Variants in SLC22A3 observed in about 807,000 individuals in gnomAD.
SLC22A3 encodes the protein solute carrier family 22 member 3, also known as EMT organic cation transporter 3.
Under a neutral mutation model 59.1 loss-of-function variants are expected in SLC22A3, and 51 were observed. That is an observed-to-expected ratio of 0.86 (90% CI 0.69 to 1.09). SLC22A3 has a LOEUF of 1.09. SLC22A3 is among the 50% of genes least tolerant of loss of function. The pLI is 0.00. For missense variants in SLC22A3, 711 were observed against 726.3 expected (o/e 0.98, Z 0.24); for synonymous variants, 325 against 292.0 (o/e 1.11, Z -1.15).
Position 160,348,525 on chromosome 6 carries a change from T to C in SLC22A3, c.106T>C (p.Phe36Leu). ...CLTGVTFAFL[F>L]VGVVFLGTQP... is the part of the protein sequence containing the mutation. ...GACGGGCGTCACCTTCGCCTTCCTC[T>C]TCGTCGGCGTGGTCTTCCTGGGCAC... Residue 36 changes from phenylalanine (F) to leucine (L), a missense_variant, in exon 1 of 11, where the codon TTC becomes CTC. Transcript: ENST00000275300. 2 of 1,565,094 alleles carry C rather than the reference T, an allele frequency of 1.3e-6. No individual in the cohort carries two copies. Among genetic ancestry groups the C allele is most frequent in the Non-Finnish European group, 8.6e-7 (1 of 1,163,702 alleles).
At chr6:160,445,955 T>C (rs1788725659) in intron 9 of SLC22A3, among the ~76,000 whole-genome samples, 1 of 152,194 alleles carries the variant, frequency 6.6e-6, no homozygotes, top group Admixed American at 6.5e-5. Flanking sequence ...GGAAGCCACC[T>C]GGCAGTAGAG....
intron 1 of SLC22A3, among the ~76,000 whole-genome samples, chr6:160,373,775 G>C (rs1785488047): frequency 6.6e-6 from 1 of 152,162 alleles, no homozygotes; most frequent in Admixed American, 6.5e-5. Context: ...GCTCTGTCCA[G>C]TTCAAACTTC....
At chr6:160,356,270 C>T (rs1193851640) in intron 1 of SLC22A3, among the ~76,000 whole-genome samples, 1 of 152,182 alleles carries the variant, frequency 6.6e-6, no homozygotes, top group South Asian at 2.1e-4. Context: ...CGGCCATGGC[C>T]GCCCGCAGAC....
intron 1 of SLC22A3, among the ~76,000 whole-genome samples, chr6:160,382,942 G>A (rs1409267606): frequency 1.3e-5 from 2 of 152,124 alleles, no homozygotes; most frequent in Non-Finnish European, 2.9e-5. Context: ...TATTGGAGAT[G>A]GCAGAAGCAA....
chr6:160,384,641 TC>T (rs1785928504), intron 1 of SLC22A3, among the ~76,000 whole-genome samples: 1 of 152,032 alleles, frequency 6.6e-6, no homozygotes, highest in Admixed American at 6.5e-5. Flanking sequence ...GATCTCCGGT[TC>T]CTCCAGGCAG....
At chr6:160,445,997 C>T (rs1788728432) in intron 9 of SLC22A3, among the ~76,000 whole-genome samples, 1 of 152,128 alleles carries the variant, frequency 6.6e-6, no homozygotes, top group Non-Finnish European at 1.5e-5. Context: ...GGCCCAAGCC[C>T]CCCAGAAAAT....
chr6:160,420,683 T>A (rs552654689), intron 5 of SLC22A3, among the ~76,000 whole-genome samples: 4 of 152,214 alleles, frequency 2.6e-5, no homozygotes, highest in African/African-American at 7.2e-5. Context: ...ACCAAAAAAA[T>A]GTCTCAGGCA....
At chr6:160,386,993 C>T (rs1233641238) in intron 1 of SLC22A3, among the ~76,000 whole-genome samples, 2 of 152,184 alleles carry the variant, frequency 1.3e-5, no homozygotes, top group East Asian at 3.9e-4. Context: ...AGGAGGAGTC[C>T]TCCTCCAGCA....
rs117604557 is a variant in SLC22A3, at chr6:160,430,879, G to A, written c.976-5901G>A. Among the ~76,000 whole-genome samples, 863 of 152,222 alleles carry A rather than the reference G, an allele frequency of 5.7e-3. 3 individuals carry two copies. Among genetic ancestry groups the A allele is most frequent in the Non-Finnish European group, 8.5e-3 (580 of 68,010 alleles). ...TTGATTCTGTTTCTATGAAATTCTA[G>A]AAAAAGCAAAACTGTCATGACAGAA... On this transcript the variant is annotated intron_variant, in intron 5 of 10. Coordinates refer to ENST00000275300, the MANE Select transcript of SLC22A3 (RefSeq NM_021977.4).
At chr6:160,392,938 G>A (rs1364546210) in intron 1 of SLC22A3, among the ~76,000 whole-genome samples, 2 of 151,444 alleles carry the variant, frequency 1.3e-5, no homozygotes, top group Admixed American at 1.3e-4. Context: ...AGAGTTTAGT[G>A]ACTCCTGATT....
chr6:160,435,777 T>C (rs557970373), intron 5 of SLC22A3, among the ~76,000 whole-genome samples: 8 of 152,082 alleles, frequency 5.3e-5, no homozygotes, highest in Non-Finnish European at 8.8e-5. Flanking sequence ...TTTTGTTTAA[T>C]AGGAGGAGAG....
chr6:160,348,731 C>T lies in SLC22A3; in HGVS notation c.312C>T (p.Ala104=). The T allele has an allele frequency of 6.5e-7, 1 of 1,530,598 alleles. No homozygotes were observed. Among genetic ancestry groups the T allele is most frequent in the South Asian group, 1.2e-5 (1 of 83,592 alleles). 94.8% of individuals were successfully genotyped at this position (1,530,598 alleles called of 1,614,324 possible). ...LLEAANDSAS[A]TSALSCADPL... ...AGGCGGCCAACGACAGCGCCTCCGC[C>T]ACTAGCGCTCTCAGCTGCGCGGACC... The change falls in exon 1 of 11, where the codon GCC becomes GCT. Residue 104 remains alanine, a synonymous_variant. Coordinates refer to ENST00000275300, the MANE Select transcript of SLC22A3 (RefSeq NM_021977.4).
At chr6:160,379,335 T>G (rs149880973) in intron 1 of SLC22A3, among the ~76,000 whole-genome samples, 1 of 152,330 alleles carries the variant, frequency 6.6e-6, no homozygotes, top group African/African-American at 2.4e-5. Context: ...GGTCTTAGAA[T>G]GCACAAAGCT....
intron 9 of SLC22A3, among the ~76,000 whole-genome samples, chr6:160,445,213 C>A (rs183011421): frequency 1.9e-4 from 29 of 152,300 alleles, no homozygotes; most frequent in South Asian, 2.1e-4. Context: ...TGGAAGGGAG[C>A]AGGCCAGGGA....
At chr6:160,373,662 GC>G (rs1785481746) in intron 1 of SLC22A3, among the ~76,000 whole-genome samples, 1 of 152,172 alleles carries the variant, frequency 6.6e-6, no homozygotes, top group South Asian at 2.1e-4. Flanking sequence ...TTATCTATAA[GC>G]CCCTGACTGG....
rs567900718 is a variant in SLC22A3, at chr6:160,419,928, A to G, written c.975+9082A>G. Among the ~76,000 whole-genome samples, 7 of 152,350 alleles carry G rather than the reference A, an allele frequency of 4.6e-5. No homozygotes were observed. The South Asian group carries it at 1.4e-3, about 32-fold the overall frequency. On this transcript the variant is annotated intron_variant, in intron 5 of 10. Transcript: ENST00000275300. The stretch of plus-strand genomic sequence containing the variant: ...AGTTCTAGAAATGGTGTGTATTTAA[A>G]TGGATTTGTTTACTTTCCATGTCTT...
At chr6:160,429,750 A>G (rs1788084107) in intron 5 of SLC22A3, among the ~76,000 whole-genome samples, 3 of 152,190 alleles carry the variant, frequency 2.0e-5, no homozygotes, top group Admixed American at 6.5e-5. Flanking sequence ...TTCATGAAAA[A>G]GTATCCTGCC....
intron 5 of SLC22A3, among the ~76,000 whole-genome samples, chr6:160,433,182 C>T (rs935568470): frequency 2.3e-4 from 35 of 152,180 alleles, no homozygotes; most frequent in Admixed American, 3.9e-4. Flanking sequence ...AGAAAACGTT[C>T]GCCAACCTCT....
chr6:160,418,293 G>A (rs1787588690), intron 5 of SLC22A3, among the ~76,000 whole-genome samples: 1 of 152,176 alleles, frequency 6.6e-6, no homozygotes, highest in African/African-American at 2.4e-5. Context: ...CCTGCCCCTG[G>A]ACATCAGACT....
Sources: gnomAD v4.1 joint callset for allele counts (sites outside exome capture counted in the v4.1 genomes callset) on GRCh38, gnomAD v4.1.1 for gene constraint, MANE v1.5 for transcripts, NCBI Gene and HGNC (gene_info 2026-07-23, HGNC 2026-07-21) for gene names.